Variants in FAM184B observed in about 807,000 individuals in gnomAD.
FAM184B encodes family with sequence similarity 184 member B.
In FAM184B, 111 loss-of-function variants were observed where a neutral mutation model predicts 135.9. The ratio of observed to expected loss-of-function variants is 0.82; its 90% confidence interval spans 0.70 to 0.96. FAM184B has a LOEUF of 0.96. Among genes scored for constraint, FAM184B ranks in the 40% least tolerant of loss-of-function variants. The pLI, the probability that FAM184B is intolerant of heterozygous loss-of-function variation, is 0.00. For synonymous variants in FAM184B, 552 were observed against 524.8 expected, an observed-to-expected ratio of 1.05 and a Z score of -0.71; for missense variants, 1,375 against 1,323.9, an observed-to-expected ratio of 1.04 and a Z score of -0.60.
intron 16 of FAM184B, among the ~76,000 whole-genome samples, chr4:17,634,372 G>A (rs548149367): frequency 6.6e-6 from 1 of 152,302 alleles, no homozygotes; most frequent in African/African-American, 2.4e-5. Context: ...CACCCAAGCT[G>A]GAGTACGGTG....
At chr4:17,768,975 C>G (rs1369335974) in intron 1 of FAM184B, among the ~76,000 whole-genome samples, 1 of 151,914 alleles carries the variant, frequency 6.6e-6, no homozygotes, top group Admixed American at 6.6e-5. Flanking sequence ...GGCTAATTTT[C>G]TGTTTTTAGT....
At chr4:17,718,470 T>TAGTAGAGTGTGGC (rs1717445134) in intron 1 of FAM184B, among the ~76,000 whole-genome samples, 1 of 152,200 alleles carries the variant, frequency 6.6e-6, no homozygotes, top group Non-Finnish European at 1.5e-5. Context: ...GCTTATAGGC[T>TAGTAGAGTGTGGC]AGTAGAGTGT....
chr4:17,777,416 A>C (rs75480050), intron 1 of FAM184B, among the ~76,000 whole-genome samples: 28 of 152,322 alleles, frequency 1.8e-4, no homozygotes, highest in African/African-American at 6.5e-4. Context: ...TTAATGACTA[A>C]AACAATGTTG....
chr4:17,688,310 C>T (rs1040705219), intron 7 of FAM184B, 114 bp downstream of exon 7: 16 of 738,006 alleles, frequency 2.2e-5, no homozygotes, highest in African/African-American at 1.9e-4. Flanking sequence ...TTGGCAGTGT[C>T]GAGGAGAGAT....
intron 1 of FAM184B, among the ~76,000 whole-genome samples, chr4:17,770,476 T>G (rs957163515): frequency 2.0e-5 from 3 of 148,938 alleles, no homozygotes; most frequent in East Asian, 3.9e-4. Flanking sequence ...TGTTGTTGTT[T>G]TTTCTGAGAT....
At chr4:17,637,226 A>T (rs9996357) in intron 14 of FAM184B, among the ~76,000 whole-genome samples, 10,260 of 152,128 alleles carry the variant, frequency 0.067, 875 homozygotes, top group African/African-American at 0.2. Flanking sequence ...ACGGGGTTTC[A>T]CTATGTTGGC....
chr4:17,767,677 G>A (rs545108438), intron 1 of FAM184B, among the ~76,000 whole-genome samples: 8 of 152,156 alleles, frequency 5.3e-5, no homozygotes, highest in African/African-American at 1.9e-4. Context: ...CTGTTTCAGC[G>A]CTCTGTCTGG....
intron 1 of FAM184B, among the ~76,000 whole-genome samples, chr4:17,769,049 C>T (rs984171263): frequency 3.3e-5 from 5 of 151,982 alleles, no homozygotes; most frequent in South Asian, 2.1e-4. Context: ...GTGATCCACC[C>T]GCCTTGGCCT....
intron 5 of FAM184B, among the ~76,000 whole-genome samples, chr4:17,699,927 G>A (rs1716948120): frequency 6.6e-6 from 1 of 152,042 alleles, no homozygotes; most frequent in Non-Finnish European, 1.5e-5. Context: ...AGAACACAAA[G>A]GGTGAAATGA....
rs1003562624 is a variant in FAM184B, at chr4:17,633,758, A to G, written c.3020T>C (p.Leu1007Ser). Reference sequence around the variant, plus strand: ...CCGGCCACAGCTGGGGCTTGGGTCCAAGCTGGGTGATGTAGTTATTGGAGG... The same window carrying G: ...CCGGCCACAGCTGGGGCTTGGGTCCGAGCTGGGTGATGTAGTTATTGGAGG... ...NAPPITTSPS[L>S]DPSPSCGRTY... The change falls in exon 17 of 18, where the codon TTG (leucine) becomes TCG (serine). Residue 1007 changes from leucine to serine, a missense_variant. Physicochemically the swap from Leu to Ser is moderately radical, Grantham distance 145. Coordinates refer to ENST00000265018, the MANE Select transcript of FAM184B (RefSeq NM_015688.2). 8 of 1,551,238 alleles carry G rather than the reference A, an allele frequency of 5.2e-6. No individual in the cohort carries two copies. The Admixed American group carries it at 7.9e-5, about 15-fold the overall frequency.
intron 1 of FAM184B, among the ~76,000 whole-genome samples, chr4:17,724,054 T>C (rs1024539973): frequency 2.6e-5 from 4 of 151,738 alleles, no homozygotes; most frequent in African/African-American, 9.7e-5. Context: ...CAAAAACCAC[T>C]TGTACCCCTG....
intron 1 of FAM184B, among the ~76,000 whole-genome samples, chr4:17,773,329 T>C (rs931764737): frequency 2.0e-5 from 3 of 152,240 alleles, no homozygotes; most frequent in African/African-American, 7.2e-5. Context: ...ACCACTTGAC[T>C]CAGCATTTGC....
chr4:17,734,206 T>A (rs541412988), intron 1 of FAM184B, among the ~76,000 whole-genome samples: 1 of 152,188 alleles, frequency 6.6e-6, no homozygotes, highest in Non-Finnish European at 1.5e-5. Context: ...ACTTACATGT[T>A]AGACCTAAAA....
intron 1 of FAM184B, among the ~76,000 whole-genome samples, chr4:17,768,651 T>G (rs1445269673): frequency 6.6e-6 from 1 of 152,172 alleles, no homozygotes; most frequent in Non-Finnish European, 1.5e-5. Context: ...AGTTTTCAAT[T>G]ATCCAAAATG....
At chr4:17,775,295 C>G (rs1272498268) in intron 1 of FAM184B, among the ~76,000 whole-genome samples, 1 of 152,152 alleles carries the variant, frequency 6.6e-6, no homozygotes, top group African/African-American at 2.4e-5. Flanking sequence ...AATCGATTCT[C>G]CTGCCTCAGC....
intron 1 of FAM184B, among the ~76,000 whole-genome samples, chr4:17,751,899 G>A (rs1718303080): frequency 6.8e-6 from 1 of 146,596 alleles, no homozygotes; most frequent in Non-Finnish European, 1.5e-5. Flanking sequence ...CAGACAGGTA[G>A]AGGTGTGGCG....
intron 7 of FAM184B, among the ~76,000 whole-genome samples, chr4:17,688,203 T>C (rs961603561): frequency 2.0e-5 from 3 of 152,162 alleles, no homozygotes; most frequent in African/African-American, 7.2e-5. Flanking sequence ...ACAGGCCTTA[T>C]TCTCTTTCAA....
intron 3 of FAM184B, among the ~76,000 whole-genome samples, chr4:17,706,757 C>T (rs1485881967): frequency 6.6e-6 from 1 of 152,078 alleles, no homozygotes; most frequent in African/African-American, 2.4e-5. Context: ...TCACTTGAGC[C>T]CCAAATTTCA....
rs1188559245 is a variant in FAM184B, at chr4:17,664,265, G to A, written c.1694+297C>T. Among the ~76,000 whole-genome samples the A allele has an allele frequency of 3.3e-5, 5 of 152,094 alleles. No individual in the cohort carries two copies. The South Asian group carries it at 1.0e-3, about 32-fold the overall frequency. On this transcript the variant is annotated intron_variant, in intron 8 of 17. Transcript: ENST00000265018. ...ATTAAAGAACACTTGGAAACATAGG[G>A]GCAGAGGTTTTGGACCAGTGCAAGT...
Sources: allele counts gnomAD v4.1 joint callset (sites outside exome capture counted in the v4.1 genomes callset), GRCh38; gene constraint gnomAD v4.1.1; transcripts MANE v1.5; gene names NCBI Gene and HGNC (gene_info 2026-07-23, HGNC 2026-07-21).